The following EPHA6 variants were observed in gnomAD, a reference collection of about 807,000 sequenced individuals.
EPHA6 encodes ephrin type-A receptor 6.
EPHA6 carries 50 observed loss-of-function variants against 112.0 expected under a neutral mutation model. The ratio of observed to expected loss-of-function variants is 0.45; its 90% CI spans 0.36 to 0.56. EPHA6 has a LOEUF of 0.56. Ranked by LOEUF, EPHA6 falls within the 20% of genes least tolerant of loss-of-function variation. The pLI is 0.00. For missense variants in EPHA6, 1,280 were observed against 1,417.4 expected (o/e 0.90, Z 1.56); for synonymous variants, 529 against 490.7 (o/e 1.08, Z -1.03).
At chr3:97,360,760 A>G (rs1254441645) in intron 5 of EPHA6, among the ~76,000 whole-genome samples, 2 of 152,252 alleles carry the variant, frequency 1.3e-5, no homozygotes, top group Non-Finnish European at 2.9e-5. Context: ...ATGAAATCAA[A>G]GGAATCAACT....
intron 2 of EPHA6, among the ~76,000 whole-genome samples, chr3:96,983,133 G>A (rs574802798): frequency 3.3e-5 from 5 of 152,254 alleles, no homozygotes; most frequent in African/African-American, 1.2e-4. Context: ...AGTTGATGCA[G>A]TTTCTTCCTA....
At chr3:97,426,343 G>T (rs2089121523) in intron 6 of EPHA6, among the ~76,000 whole-genome samples, 1 of 152,154 alleles carries the variant, frequency 6.6e-6, no homozygotes, top group Non-Finnish European at 1.5e-5. Context: ...AGCATGTGCA[G>T]GGGAACTCCC....
At chr3:97,665,223 A>G in intron 14 of EPHA6, among the ~76,000 whole-genome samples, 1 of 152,204 alleles carries the variant, frequency 6.6e-6, no homozygotes, top group Non-Finnish European at 1.5e-5. Flanking sequence ...TGGGGAAAGG[A>G]TTCCCTATTT....
intron 14 of EPHA6, among the ~76,000 whole-genome samples, chr3:97,704,306 A>G (rs1252874303): frequency 6.6e-6 from 1 of 152,196 alleles, no homozygotes; most frequent in African/African-American, 2.4e-5. Context: ...CCTCATCAAC[A>G]TGGGTGATGG....
intron 5 of EPHA6, among the ~76,000 whole-genome samples, chr3:97,299,656 A>G (rs1359769007): frequency 6.6e-6 from 1 of 152,186 alleles, no homozygotes. Flanking sequence ...ATGATGTAGA[A>G]TATATTTGTA....
At chr3:97,378,720 G>A (rs2085529916) in intron 5 of EPHA6, among the ~76,000 whole-genome samples, 2 of 152,134 alleles carry the variant, frequency 1.3e-5, no homozygotes, top group Non-Finnish European at 2.9e-5. Flanking sequence ...TGCCCCATTG[G>A]ATTTCAGACT....
At chr3:97,740,573 C>T (rs2035459133) in intron 16 of EPHA6, among the ~76,000 whole-genome samples, 1 of 152,102 alleles carries the variant, frequency 6.6e-6, no homozygotes, top group African/African-American at 2.4e-5. Context: ...ATTAGTCTAT[C>T]TTGTAACTTT....
At position 97,651,215 on chromosome 3, in the gene EPHA6, T is replaced by C. The variant is rs532912453; in HGVS notation, c.2784+13133T>C. Among the ~76,000 whole-genome samples, 8 of 152,248 alleles carry C rather than the reference T, an allele frequency of 5.3e-5. No individual in the cohort carries two copies. In the East Asian group the frequency reaches 1.6e-3, roughly 30 times the overall value. On this transcript the variant is annotated intron_variant, in intron 14 of 17. Coordinates refer to ENST00000389672, the MANE Select transcript of EPHA6 (RefSeq NM_001080448.3). ...TTAGTACAATTACATTCATTTCTTCTCTGATATCACTGTTAATCACAACCC... is the reference window on the plus strand; with the variant it reads ...TTAGTACAATTACATTCATTTCTTCCCTGATATCACTGTTAATCACAACCC...
intron 3 of EPHA6, among the ~76,000 whole-genome samples, chr3:96,992,616 T>C (rs1010851821): frequency 2.0e-5 from 3 of 152,142 alleles, no homozygotes; most frequent in African/African-American, 7.2e-5. Context: ...TCTAGTTTTT[T>C]TTTTCTTTCT....
chr3:96,982,732 G>A lies in EPHA6; in HGVS notation c.451-4598G>A, dbSNP rs35968810. Among the ~76,000 whole-genome samples, 7 of 152,180 alleles carry A rather than the reference G, an allele frequency of 4.6e-5. No homozygotes were observed. In the South Asian group the frequency reaches 6.2e-4, roughly 14 times the overall value. ...CAAAGGACTTGCTTTATGAATCTGT[G>A]TGCTTCTGTATTGAATGCATATATA... On this transcript the variant is annotated intron_variant, in intron 2 of 17. Transcript: ENST00000389672.
At chr3:97,481,591 GA>G (rs2091551046) in intron 9 of EPHA6, 7 of 546,404 alleles carry the variant, frequency 1.3e-5, no homozygotes, top group Non-Finnish European at 2.1e-5. Flanking sequence ...TGTTGGGTCA[GA>G]AAGTCTTCAG....
At chr3:96,977,855 A>C (rs2042594986) in intron 2 of EPHA6, among the ~76,000 whole-genome samples, 1 of 152,168 alleles carries the variant, frequency 6.6e-6, no homozygotes, top group South Asian at 2.1e-4. Context: ...TAAGCTAGAG[A>C]AAAGAAAATG....
intron 13 of EPHA6, among the ~76,000 whole-genome samples, chr3:97,613,244 T>C (rs888951886): frequency 6.6e-6 from 1 of 152,024 alleles, no homozygotes. Flanking sequence ...TATATAAATA[T>C]ATATAGCCCA....
intron 6 of EPHA6, among the ~76,000 whole-genome samples, chr3:97,431,197 G>C (rs2089480381): frequency 2.0e-5 from 3 of 151,826 alleles, no homozygotes; most frequent in Admixed American, 6.6e-5. Flanking sequence ...TGTTGAAATA[G>C]GTTTATTTTC....
At chr3:96,989,355 C>T (rs966897202) in intron 3 of EPHA6, among the ~76,000 whole-genome samples, 1 of 152,106 alleles carries the variant, frequency 6.6e-6, no homozygotes, top group African/African-American at 2.4e-5. Context: ...TTTTACAAAG[C>T]ATGAATCAGC....
intron 14 of EPHA6, chr3:97,648,139 C>G: frequency 2.3e-6 from 1 of 431,658 alleles, no homozygotes; most frequent in Non-Finnish European, 4.1e-6. Context: ...TTTGTGTTAT[C>G]CATGGCAAAT....
chr3:97,031,568 A>G (rs2044845171), intron 3 of EPHA6, among the ~76,000 whole-genome samples: 1 of 152,196 alleles, frequency 6.6e-6, no homozygotes, highest in African/African-American at 2.4e-5. Flanking sequence ...GCTAATACCC[A>G]GAATCTACAA....
At chr3:97,530,289 T>C (rs1004132580) in intron 10 of EPHA6, among the ~76,000 whole-genome samples, 4 of 152,004 alleles carry the variant, frequency 2.6e-5, no homozygotes, top group African/African-American at 7.2e-5. Context: ...GGCACTTTTA[T>C]GCATAAGAGA....
intron 3 of EPHA6, among the ~76,000 whole-genome samples, chr3:97,035,604 A>G (rs925891082): frequency 4.6e-5 from 7 of 151,890 alleles, no homozygotes; most frequent in African/African-American, 1.5e-4. Flanking sequence ...CTTCAACACT[A>G]TAGGATTTTT....
Sources: gnomAD v4.1 joint callset for allele counts (sites outside exome capture counted in the v4.1 genomes callset) on GRCh38, gnomAD v4.1.1 for gene constraint, MANE v1.5 for transcripts, NCBI Gene and HGNC (gene_info 2026-07-23, HGNC 2026-07-21) for gene names.